The following PAPSS2 variants were observed in gnomAD, a reference collection of about 807,000 sequenced individuals.
PAPSS2 encodes bifunctional 3'-phosphoadenosine 5'-phosphosulfate synthase 2.
A neutral mutation model predicts 66.5 loss-of-function variants in PAPSS2; 61 were observed. The observed-to-expected ratio is 0.92, with a 90% CI of 0.75 to 1.14. The LOEUF is 1.14. Ranked by LOEUF, PAPSS2 falls within the 50% of genes most tolerant of loss-of-function variation. The probability of loss-of-function intolerance (pLI) is 0.00; values close to 1 mark genes in which losing one functional copy is unlikely to be tolerated. For synonymous variants in PAPSS2, 289 were observed against 287.5 expected, an observed-to-expected ratio of 1.01 and a Z score of -0.05; for missense variants, 708 against 789.6, an observed-to-expected ratio of 0.90 and a Z score of 1.24.
chr10:87,686,519 C>T (rs1589424197), intron 1 of PAPSS2, among the ~76,000 whole-genome samples: 1 of 152,232 alleles, frequency 6.6e-6, no homozygotes, highest in South Asian at 2.1e-4. Context: ...TCCTGGGATA[C>T]TGTATCCTAT....
chr10:87,705,419 C>T (rs1853370624), intron 1 of PAPSS2, among the ~76,000 whole-genome samples: 1 of 152,148 alleles, frequency 6.6e-6, no homozygotes, highest in South Asian at 2.1e-4. Flanking sequence ...TTTTTGTGGA[C>T]ACATTTTATT....
At chr10:87,680,184 G>A (rs1375972649) in intron 1 of PAPSS2, among the ~76,000 whole-genome samples, 1 of 152,282 alleles carries the variant, frequency 6.6e-6, no homozygotes, top group South Asian at 2.1e-4. Context: ...CAAACAAGTT[G>A]TCCAGTTGTC....
intron 1 of PAPSS2, among the ~76,000 whole-genome samples, chr10:87,706,671 A>T (rs1047351549): frequency 1.3e-5 from 2 of 151,690 alleles, no homozygotes; most frequent in Non-Finnish European, 2.9e-5. Flanking sequence ...GGGTGGGAGG[A>T]TAGCTGGATC....
chr10:87,703,527 T>C (rs6586097), intron 1 of PAPSS2, among the ~76,000 whole-genome samples: 74,556 of 151,516 alleles, frequency 0.49, 19,960 homozygotes, highest in African/African-American at 0.72. Context: ...TTCTTTGCTA[T>C]TTTATCTAGA....
chr10:87,738,093 A>G (rs1853822157), intron 9 of PAPSS2, among the ~76,000 whole-genome samples: 1 of 152,142 alleles, frequency 6.6e-6, no homozygotes, highest in Non-Finnish European at 1.5e-5. Context: ...TTGTATGTGT[A>G]TACCACATTT....
intron 8 of PAPSS2, among the ~76,000 whole-genome samples, chr10:87,725,884 T>TACACATACACACACAC: frequency 7.1e-6 from 1 of 140,352 alleles, no homozygotes; most frequent in East Asian, 2.2e-4. Context: ...TATGTGTGTA[T>TACACATACACACACAC]ACACACACAC....
chr10:87,677,068 C>T (rs1214453397), intron 1 of PAPSS2, among the ~76,000 whole-genome samples: 1 of 151,946 alleles, frequency 6.6e-6, no homozygotes, highest in Non-Finnish European at 1.5e-5. Context: ...GCAGCACACT[C>T]CTGTAATCCC....
chr10:87,741,680 C>T (rs1453259176), intron 10 of PAPSS2, among the ~76,000 whole-genome samples: 2 of 152,152 alleles, frequency 1.3e-5, no homozygotes, highest in African/African-American at 4.8e-5. Context: ...CAGATGTGAG[C>T]CACTGCACCC....
intron 9 of PAPSS2, among the ~76,000 whole-genome samples, chr10:87,738,904 T>C (rs1247179491): frequency 2.0e-5 from 3 of 152,128 alleles, no homozygotes; most frequent in Non-Finnish European, 4.4e-5. Context: ...GTTGTAGGAG[T>C]TTTTATATAT....
chr10:87,715,752 G>C lies in PAPSS2; in HGVS notation c.774G>C (p.Gln258His). The C allele has an allele frequency of 6.2e-7, 1 of 1,613,168 alleles. No homozygotes were observed. Among genetic ancestry groups the C allele is most frequent in the Non-Finnish European group, 8.5e-7 (1 of 1,179,116 alleles). ...TGCAGCTGGATCTCCAGTGGGTCCA[G>C]GTTTTGAGCGAAGGCTGGGCCACTC... The part of the protein sequence containing the change: ...SITKLDLQWV[Q>H]VLSEGWATPL... The change falls in exon 7 of 13, where the codon CAG (glutamine) becomes CAC (histidine). Residue 258 changes from glutamine to histidine, a missense_variant. Transcript: ENST00000456849.
chr10:87,667,943 C>T (rs1852833530), intron 1 of PAPSS2, among the ~76,000 whole-genome samples: 1 of 152,296 alleles, frequency 6.6e-6, no homozygotes, highest in East Asian at 1.9e-4. Flanking sequence ...ATCCACCAAG[C>T]ATCTATATCC....
chr10:87,727,288 C>G lies in PAPSS2; in HGVS notation c.885C>G (p.Gly295=), dbSNP rs759284893. ...TLLDGMALPD[G]VINMSIPIVL... ...ATCACATGGCTCTTTCCACAGATGG[C>G]GTGATCAACATGAGCATCCCCATTG... Residue 295 remains glycine (G), a synonymous_variant, in exon 9 of 13, where the codon GGC becomes GGG. Coordinates refer to ENST00000456849, the MANE Select transcript of PAPSS2 (RefSeq NM_001015880.2). 1 of 1,612,652 alleles carries G rather than the reference C, an allele frequency of 6.2e-7. No individual in the cohort carries two copies. The highest frequency in any genetic ancestry group is 8.5e-7 in the Non-Finnish European group (1 of 1,179,690).
chr10:87,687,351 T>G (rs1331096060), intron 1 of PAPSS2, among the ~76,000 whole-genome samples: 3 of 152,218 alleles, frequency 2.0e-5, no homozygotes, highest in Non-Finnish European at 4.4e-5. Context: ...ATTAAAAAAG[T>G]TATTGTGGCT....
chr10:87,707,615 G>A (rs1853409838), intron 1 of PAPSS2, among the ~76,000 whole-genome samples: 1 of 143,556 alleles, frequency 7.0e-6, no homozygotes, highest in Non-Finnish European at 1.5e-5. Context: ...TGTTGCCCAG[G>A]CTGGAGTACA....
rs1287556894 is a variant in PAPSS2, at chr10:87,746,577, T to C, written c.*607T>C. 3 of 152,368 alleles carry C rather than the reference T, an allele frequency of 2.0e-5. No individual in the cohort carries two copies. The highest frequency in any genetic ancestry group is 6.5e-5 in the Admixed American group (1 of 15,278). The allele number at this position is 152,368 out of a possible 1,614,324, so 9.4% of individuals were successfully genotyped here. On this transcript the variant is annotated 3_prime_UTR_variant, in exon 13 of 13. Coordinates refer to ENST00000456849, the MANE Select transcript of PAPSS2 (RefSeq NM_001015880.2). ...AATAACGTGAATTTTATCTTAGAGA[T>C]CTGTGCAGCCTATTTCTGTCACAAA... is the stretch of plus-strand genomic sequence containing the variant.
At chr10:87,720,963 G>A (rs1406485263) in intron 7 of PAPSS2, among the ~76,000 whole-genome samples, 1 of 152,178 alleles carries the variant, frequency 6.6e-6, no homozygotes, top group Non-Finnish European at 1.5e-5. Flanking sequence ...TGTGTTGACT[G>A]ATGGCATCCA....
At chr10:87,724,697 A>G (rs1323476440) in intron 8 of PAPSS2, among the ~76,000 whole-genome samples, 2 of 148,202 alleles carry the variant, frequency 1.3e-5, no homozygotes, top group Non-Finnish European at 3.0e-5. Context: ...TTATCTCTCT[A>G]TGTATTATAC....
chr10:87,735,996 C>T (rs1853793900), intron 9 of PAPSS2, among the ~76,000 whole-genome samples: 1 of 152,192 alleles, frequency 6.6e-6, no homozygotes, highest in East Asian at 1.9e-4. Context: ...AGCTTTCTCT[C>T]ACTCACTCTT....
chr10:87,675,700 C>T (rs775384244), intron 1 of PAPSS2, among the ~76,000 whole-genome samples: 3 of 152,296 alleles, frequency 2.0e-5, no homozygotes, highest in East Asian at 1.9e-4. Flanking sequence ...TTAGAGATTA[C>T]GTAGTCCAGT....
Sources: allele counts gnomAD v4.1 joint callset (sites outside exome capture counted in the v4.1 genomes callset), GRCh38; gene constraint gnomAD v4.1.1; transcripts MANE v1.5; gene names NCBI Gene and HGNC (gene_info 2026-07-23, HGNC 2026-07-21).